The following NSD3 variants were observed in gnomAD, a reference collection of about 807,000 sequenced individuals.
NSD3 encodes nuclear receptor binding SET domain protein 3.
In NSD3, 24 loss-of-function variants were observed where a neutral mutation model predicts 160.8. The ratio of observed to expected loss-of-function variants is 0.15; its 90% CI spans 0.11 to 0.21. The LOEUF is 0.21. NSD3 is among the 10% of genes least tolerant of loss of function. NSD3 has a pLI of 1.00. For synonymous variants in NSD3, 520 were observed against 600.0 expected (o/e 0.87, Z 1.95); for missense variants, 1,157 against 1,735.9 (o/e 0.67, Z 5.93).
intron 4 of NSD3, among the ~76,000 whole-genome samples, chr8:38,333,410 T>C (rs1256021141): frequency 6.6e-6 from 1 of 152,210 alleles, no homozygotes; most frequent in Non-Finnish European, 1.5e-5. Context: ...CACATCTGTC[T>C]CTGACTGAAG....
At position 38,279,562 on chromosome 8, in the gene NSD3, A is replaced by G; in HGVS notation, c.3738T>C (p.Phe1246=). 6.2e-7 allele frequency: 1 copy of G among 1,614,186 alleles called. No homozygotes were observed. Among genetic ancestry groups the G allele is most frequent in the Non-Finnish European group, 8.5e-7 (1 of 1,180,018 alleles). ...TACCTGCAGGAATATCACAGAGAGC[A>G]AATAGTCCCACTCGAACATCTCCAT... ...TVNGDVRVGL[F]ALCDIPAGME... Residue 1246 remains phenylalanine, a synonymous_variant, in exon 21 of 24, where the codon TTT becomes TTC. Transcript: ENST00000317025.
chr8:38,347,390 G>T, intron 2 of NSD3, 107 bp downstream of exon 2: 2 of 1,228,592 alleles, frequency 1.6e-6, no homozygotes, highest in Non-Finnish European at 2.3e-6. Flanking sequence ...GATTAAAGAA[G>T]TTATCAGACA....
At chr8:38,337,532 TA>T in intron 3 of NSD3, 65 bp from the exon 4 acceptor site, 8 of 1,317,532 alleles carry the variant, frequency 6.1e-6, no homozygotes, top group Non-Finnish European at 7.9e-6. Flanking sequence ...TAAAGTACAT[TA>T]AAAATGCTAA....
rs1811382057 is a variant in NSD3 at position 38,376,121 on chromosome 8, G to A, written c.-45+5678C>T. Among the ~76,000 whole-genome samples the A allele has an allele frequency of 2.0e-5, 3 of 151,962 alleles. No individual in the cohort carries two copies. The South Asian group carries it at 6.2e-4, about 32-fold the overall frequency. ...ATTTTTTTTCCAGGTCCTTTTCTAA[G>A]ACCATGATGGACCTCTAATTTTTTT... On this transcript the variant is annotated intron_variant, in intron 1 of 23. Coordinates refer to ENST00000317025, the MANE Select transcript of NSD3 (RefSeq NM_023034.2).
chr8:38,370,109 T>TA (rs1011988439), intron 1 of NSD3, among the ~76,000 whole-genome samples: 10 of 152,086 alleles, frequency 6.6e-5, no homozygotes, highest in Admixed American at 5.9e-4. Context: ...ACCCAGTTTT[T>TA]AAAAAATGTT....
chr8:38,346,261 C>T (rs910733948), intron 2 of NSD3, among the ~76,000 whole-genome samples: 6 of 146,450 alleles, frequency 4.1e-5, no homozygotes, highest in Non-Finnish European at 6.0e-5. Context: ...GCTTTAGATG[C>T]TATGAAGACT....
Position 38,317,050 on chromosome 8 carries a change from C to G in NSD3, c.1856-1008G>C. On this transcript the variant is annotated intron_variant, in intron 9 of 23. Transcript: ENST00000317025. The surrounding 1 kb of genome is among the most constrained non-coding windows in gnomAD (Gnocchi z 5.3). The stretch of plus-strand genomic sequence containing the variant: ...TACAACAAACAGACATCTAGATCAA[C>G]CCAGCAAGCTATGGTGGAAGTGTGC... 1 of 1,060,136 alleles carries G rather than the reference C, an allele frequency of 9.4e-7. No individual in the cohort carries two copies. The highest frequency in any genetic ancestry group is 1.1e-6 in the Non-Finnish European group (1 of 876,128). 65.7% of individuals were successfully genotyped at this position (1,060,136 alleles called of 1,614,324 possible).
chr8:38,315,287 A>G (rs1211468151), intron 11 of NSD3, 129 bp downstream of exon 11: 20 of 1,163,396 alleles, frequency 1.7e-5, no homozygotes, highest in Non-Finnish European at 2.2e-5. Flanking sequence ...AAGAGGTTTT[A>G]TATCTGTAGC....
intron 12 of NSD3, 75 bp from the exon 13 acceptor site, chr8:38,305,520 C>T: frequency 7.0e-7 from 1 of 1,423,488 alleles, no homozygotes; most frequent in Non-Finnish European, 9.7e-7. Context: ...CTACAGACAT[C>T]AAACAGCTAC....
At chr8:38,368,441 G>A (rs1200798149) in intron 1 of NSD3, among the ~76,000 whole-genome samples, 1 of 152,150 alleles carries the variant, frequency 6.6e-6, no homozygotes, top group Admixed American at 6.5e-5. Context: ...AGTAACCTGC[G>A]TGAAGTAGAA....
intron 19 of NSD3, among the ~76,000 whole-genome samples, chr8:38,285,057 A>G (rs932503271): frequency 3.7e-4 from 57 of 152,246 alleles, no homozygotes; most frequent in Non-Finnish European, 2.6e-4. Flanking sequence ...CAAATTCATT[A>G]ACTTAAAAAA....
At chr8:38,320,886 T>G (rs1809783112) in intron 8 of NSD3, 186 bp downstream of exon 8, 1 of 451,934 alleles carries the variant, frequency 2.2e-6, no homozygotes, top group South Asian at 5.6e-5. Context: ...GTGAAAATGC[T>G]TGAAGCAGAA....
At chr8:38,338,030 G>T (rs995911883) in intron 3 of NSD3, among the ~76,000 whole-genome samples, 1 of 152,114 alleles carries the variant, frequency 6.6e-6, no homozygotes, top group East Asian at 1.9e-4. Flanking sequence ...GGCCAGGCGC[G>T]GTGGCTCACG....
intron 16 of NSD3, among the ~76,000 whole-genome samples, chr8:38,294,092 G>T (rs541564165): frequency 9.9e-5 from 15 of 151,898 alleles, no homozygotes; most frequent in Admixed American, 3.3e-4. Context: ...GTGTTTTTTT[G>T]TTGTTGTTTT....
At position 38,270,300 on chromosome 8, in the gene NSD3, A is replaced by G. The variant is rs1808405219; in HGVS notation, c.*5341T>C. 6.6e-6 allele frequency: 1 copy of G among 152,246 alleles called. No homozygotes were observed. The highest frequency in any genetic ancestry group is 6.5e-5 in the Admixed American group (1 of 15,280). The allele number at this position is 152,246 out of a possible 1,614,324, so 9.4% of individuals were successfully genotyped here. A position where few individuals can be genotyped will look rare whatever the true frequency, so the allele number is the denominator to read the frequency against. On this transcript the variant is annotated 3_prime_UTR_variant, in exon 24 of 24. Coordinates refer to ENST00000317025, the MANE Select transcript of NSD3 (RefSeq NM_023034.2). ...TTACAGATAAAGTACAGAAATAACC[A>G]ATCTACAAAGATCATTATCATAAAG...
At position 38,278,313 on chromosome 8, in the gene NSD3, C is replaced by T. The variant is rs1808660750; in HGVS notation, c.3860G>A (p.Arg1287Gln). 2.5e-6 allele frequency: 4 copies of T among 1,613,634 alleles called. No individual in the cohort carries two copies. The highest frequency in any genetic ancestry group is 1.7e-5 in the Admixed American group (1 of 59,956). ...ADNCSGFLGV[R>Q]PKSACASTNE... ...CTCCCCTGCAAGACTGACCTTTGGC[C>T]GCACTCCTAGAAAACCACTGCAGTT... The change falls in exon 22 of 24, where the codon CGG (arginine) becomes CAG (glutamine). Residue 1287 changes from arginine to glutamine, a missense_variant. Physicochemically the swap from Arg to Gln is conservative, Grantham distance 43 (BLOSUM62 1). Around this residue, in one of 10 missense-constraint regions of NSD3, gnomAD observed 222 missense variants for 409.9 expected, o/e 0.54. Transcript: ENST00000317025.
chr8:38,357,641 T>G lies in NSD3; in HGVS notation c.-44-9426A>C, dbSNP rs1810858312. On this transcript the variant is annotated intron_variant, in intron 1 of 23. Transcript: ENST00000317025. ...TTCCTCTGTGTTCTAAGATATTCTA[T>G]GCGTGCCTCTCAGAATTAACCATAA... 2.0e-5 allele frequency among the ~76,000 whole-genome samples: 3 copies of G among 152,308 alleles called. No homozygotes were observed. The South Asian group carries it at 6.2e-4, about 32-fold the overall frequency.
intron 2 of NSD3, among the ~76,000 whole-genome samples, chr8:38,346,492 C>T (rs1810539012): frequency 6.6e-6 from 1 of 151,186 alleles, no homozygotes; most frequent in African/African-American, 2.4e-5. Context: ...GCAGGCATCT[C>T]TACTTTTCAT....
chr8:38,367,801 T>C (rs1275412894), intron 1 of NSD3, among the ~76,000 whole-genome samples: 2 of 152,154 alleles, frequency 1.3e-5, no homozygotes, highest in Non-Finnish European at 2.9e-5. Flanking sequence ...TATCAAACAA[T>C]TATATGAAAT....
Sources: allele counts gnomAD v4.1 joint callset (sites outside exome capture counted in the v4.1 genomes callset), GRCh38; gene constraint gnomAD v4.1.1; regional missense constraint gnomAD v4.1.1; non-coding constraint Gnocchi (gnomAD v3.1); transcripts MANE v1.5; gene names NCBI Gene and HGNC (gene_info 2026-07-23, HGNC 2026-07-21).